Variants in CPPED1 observed in about 807,000 individuals in gnomAD.
CPPED1 encodes the protein serine/threonine-protein phosphatase CPPED1.
A neutral mutation model predicts 28.0 loss-of-function variants in CPPED1; 28 were observed. The observed-to-expected ratio is 1.00, with a 90% CI of 0.74 to 1.37. The LOEUF is 1.37. CPPED1 is among the 40% of genes most tolerant of loss of function. The probability of loss-of-function intolerance (pLI) is 0.00; values close to 1 mark genes in which losing one functional copy is unlikely to be tolerated. For synonymous variants in CPPED1, 198 were observed against 180.2 expected, an observed-to-expected ratio of 1.10 and a Z score of -0.79; for missense variants, 504 against 416.5, an observed-to-expected ratio of 1.21 and a Z score of -1.83.
intron 2 of CPPED1, among the ~76,000 whole-genome samples, chr16:12,745,036 T>C (rs1596468416): frequency 6.6e-6 from 1 of 151,582 alleles, no homozygotes. Flanking sequence ...AAAGGAAAGA[T>C]CAATGAACTT....
chr16:12,769,290 A>G (rs919262520), intron 2 of CPPED1, among the ~76,000 whole-genome samples: 1 of 152,204 alleles, frequency 6.6e-6, no homozygotes, highest in Non-Finnish European at 1.5e-5. Flanking sequence ...TGATAACCGT[A>G]TTTCAATAGA....
intron 3 of CPPED1, among the ~76,000 whole-genome samples, chr16:12,681,210 A>G (rs2079903257): frequency 6.7e-6 from 1 of 149,646 alleles, no homozygotes; most frequent in Non-Finnish European, 1.5e-5. Flanking sequence ...TCCCCAGGGT[A>G]ACAGCGTTGG....
At chr16:12,775,639 T>A (rs1053151160) in intron 2 of CPPED1, among the ~76,000 whole-genome samples, 2 of 152,168 alleles carry the variant, frequency 1.3e-5, no homozygotes, top group Non-Finnish European at 2.9e-5. Flanking sequence ...ATCCATTAGG[T>A]CTGGGCAGGG....
intron 1 of CPPED1, among the ~76,000 whole-genome samples, chr16:12,792,014 C>T (rs912649240): frequency 6.6e-6 from 1 of 151,642 alleles, no homozygotes; most frequent in Non-Finnish European, 1.5e-5. Context: ...TGCAGTGGCA[C>T]GATCTTGGCT....
intron 1 of CPPED1, among the ~76,000 whole-genome samples, chr16:12,790,918 CA>C (rs538022826): frequency 0.17 from 10,673 of 63,310 alleles, 226 homozygotes; most frequent in East Asian, 0.21. Context: ...GACTCTATCT[CA>C]AAAAAAAAAA....
chr16:12,669,571 A>G (rs1415988951), intron 3 of CPPED1, among the ~76,000 whole-genome samples: 1 of 152,232 alleles, frequency 6.6e-6, no homozygotes, highest in Non-Finnish European at 1.5e-5. Flanking sequence ...AGAGTTGGAG[A>G]TATCAGTGGT....
chr16:12,702,306 C>A (rs1403971687), intron 3 of CPPED1, among the ~76,000 whole-genome samples: 4 of 151,762 alleles, frequency 2.6e-5, no homozygotes, highest in Non-Finnish European at 5.9e-5. Flanking sequence ...GGGGCCAAGG[C>A]AGGGGGATCA....
At chr16:12,780,808 G>C (rs2141238531) in intron 2 of CPPED1, among the ~76,000 whole-genome samples, 1 of 152,026 alleles carries the variant, frequency 6.6e-6, no homozygotes, top group African/African-American at 2.4e-5. Context: ...CAACAAATAA[G>C]GGAGAAATAA....
intron 1 of CPPED1, among the ~76,000 whole-genome samples, chr16:12,802,765 A>C (rs78472216): frequency 0.045 from 6,870 of 152,344 alleles, 365 homozygotes; most frequent in African/African-American, 0.12. Context: ...AGCAAGCGCC[A>C]AGACCCTCAG....
intron 3 of CPPED1, among the ~76,000 whole-genome samples, chr16:12,690,098 G>C (rs1417053189): frequency 6.6e-6 from 1 of 152,116 alleles, no homozygotes; most frequent in African/African-American, 2.4e-5. Flanking sequence ...TGCATTTTAA[G>C]TGAGCTTTTT....
chr16:12,709,145 A>T lies in CPPED1; in HGVS notation c.290-4096T>A, dbSNP rs1441815702. Among the ~76,000 whole-genome samples, 1 of 152,178 alleles carries T rather than the reference A, an allele frequency of 6.6e-6. No individual in the cohort carries two copies. The highest frequency in any genetic ancestry group is 2.4e-5 in the African/African-American group (1 of 41,452). ...CCAACCTCACCAGCATCATGAACAG[A>T]AAAAACAGAAACCTGCCCAAGGACA... On this transcript the variant is annotated intron_variant, in intron 2 of 3. Transcript: ENST00000381774. This position sits in a 1 kb window ranked among gnomAD's most constrained non-coding sequence, Gnocchi z 4.4.
chr16:12,767,372 T>C (rs1363861523), intron 2 of CPPED1, among the ~76,000 whole-genome samples: 1 of 152,174 alleles, frequency 6.6e-6, no homozygotes, highest in East Asian at 1.9e-4. Flanking sequence ...CCCAAAATAG[T>C]GAAGGCATAT....
At chr16:12,715,793 G>A (rs972035599) in intron 2 of CPPED1, among the ~76,000 whole-genome samples, 4 of 152,156 alleles carry the variant, frequency 2.6e-5, no homozygotes, top group Admixed American at 1.3e-4. Flanking sequence ...GTCCCAAAGT[G>A]CCGGGATTAC....
chr16:12,768,867 C>CT (rs35322378), intron 2 of CPPED1, among the ~76,000 whole-genome samples: 5,453 of 137,974 alleles, frequency 0.04, 189 homozygotes, highest in East Asian at 0.14. Context: ...TTTTCTTTTT[C>CT]TTTTTTTTTT....
At chr16:12,684,819 AAATG>A (rs1349991781) in intron 3 of CPPED1, among the ~76,000 whole-genome samples, 3 of 152,214 alleles carry the variant, frequency 2.0e-5, no homozygotes, top group African/African-American at 7.2e-5. Context: ...ACTGCTGGAT[AAATG>A]AATGAATGGA....
intron 3 of CPPED1, among the ~76,000 whole-genome samples, chr16:12,704,104 G>T (rs2080035033): frequency 6.6e-6 from 1 of 152,196 alleles, no homozygotes; most frequent in South Asian, 2.1e-4. Flanking sequence ...AGTCACAGCT[G>T]ATGAATACTG....
chr16:12,676,418 G>C (rs182537388), intron 3 of CPPED1, among the ~76,000 whole-genome samples: 1 of 152,150 alleles, frequency 6.6e-6, no homozygotes, highest in African/African-American at 2.4e-5. Flanking sequence ...GGACATCTAC[G>C]ACCTGCATTT....
At chr16:12,678,383 G>T (rs1430176339) in intron 3 of CPPED1, among the ~76,000 whole-genome samples, 1 of 152,116 alleles carries the variant, frequency 6.6e-6, no homozygotes, top group African/African-American at 2.4e-5. Context: ...GGCCATTATA[G>T]GTACCTTGCA....
intron 1 of CPPED1, among the ~76,000 whole-genome samples, chr16:12,791,795 T>C (rs1400823454): frequency 6.6e-6 from 1 of 152,192 alleles, no homozygotes; most frequent in African/African-American, 2.4e-5. Flanking sequence ...ACGTTTGCAT[T>C]CCCTTTCTGG....
Sources: allele counts gnomAD v4.1 joint callset (sites outside exome capture counted in the v4.1 genomes callset), GRCh38; gene constraint gnomAD v4.1.1; non-coding constraint Gnocchi (gnomAD v3.1); transcripts MANE v1.5; gene names NCBI Gene and HGNC (gene_info 2026-07-23, HGNC 2026-07-21).